CA12: variants seen among roughly 807,000 people sequenced by gnomAD.
The protein encoded by CA12 is carbonic anhydrase 12.
A neutral mutation model predicts 46.8 loss-of-function variants in CA12; 36 were observed. The observed-to-expected ratio is 0.77, with a 90% confidence interval of 0.59 to 1.02. CA12 has a LOEUF of 1.02. CA12 is among the 50% of genes least tolerant of loss of function. The pLI, the probability that CA12 is intolerant of heterozygous loss-of-function variation, is 0.00. For synonymous variants in CA12, 202 were observed against 187.0 expected (o/e 1.08, Z -0.65); for missense variants, 436 against 451.4 (o/e 0.97, Z 0.31).
rs1239064851 is a variant in CA12, at chr15:63,374,404, T to A, written c.106+1254A>T. Among the ~76,000 whole-genome samples, 2 of 152,186 alleles carry A rather than the reference T, an allele frequency of 1.3e-5. No homozygotes were observed. The highest frequency in any genetic ancestry group is 6.5e-5 in the Admixed American group (1 of 15,286). On this transcript the variant is annotated intron_variant, in intron 2 of 10. Coordinates refer to ENST00000178638, the MANE Select transcript of CA12 (RefSeq NM_001218.5). This position sits in a 1 kb window ranked among gnomAD's most constrained non-coding sequence, Gnocchi z 4.4. The stretch of plus-strand genomic sequence containing the variant: ...CCATCTAGCCCTAGCACACTCGCCC[T>A]CCTTTGAGCACTCAGATCTCTGAAG...
Position 63,331,231 on chromosome 15 carries a change from AG to A in CA12, c.875-3102del, listed in dbSNP as rs2038934069. On this transcript the variant is annotated intron_variant, in intron 8 of 10. Transcript: ENST00000178638. The surrounding 1 kb of genome is among the most constrained non-coding windows in gnomAD (Gnocchi z 5.3). ...AAAGTCAGCGAGACTTTCGGGACAC[AG>A]GGAGAACTGTCAGGGCAACCAGAGA... 6.6e-6 allele frequency among the ~76,000 whole-genome samples: 1 copy of A among 152,216 alleles called. No homozygotes were observed. Among genetic ancestry groups the A allele is most frequent in the South Asian group, 2.1e-4 (1 of 4,838 alleles).
At chr15:63,366,155 A>AAG (rs2039433394) in intron 2 of CA12, among the ~76,000 whole-genome samples, 1 of 131,698 alleles carries the variant, frequency 7.6e-6, no homozygotes, top group Non-Finnish European at 1.7e-5. Context: ...AAAAAAAAAA[A>AAG]AAAAGCATGT....
At chr15:63,337,094 AT>A (rs1342208003) in intron 8 of CA12, among the ~76,000 whole-genome samples, 1 of 152,244 alleles carries the variant, frequency 6.6e-6, no homozygotes. Flanking sequence ...GTTAGTTATC[AT>A]CACATGGATT....
At chr15:63,343,238 A>G (rs1173594231) in intron 4 of CA12, among the ~76,000 whole-genome samples, 1 of 150,190 alleles carries the variant, frequency 6.7e-6, no homozygotes, top group East Asian at 2.0e-4. Context: ...TAATCCAAGC[A>G]TAAAGGAGCT....
Position 63,325,035 on chromosome 15 carries a change from T to C in CA12, c.*1250A>G, listed in dbSNP as rs2038848119. ...GAGGAGTTGCGCCTGTCAGAAACTG[T>C]CTGTGTGATTCGGGGAAGAATATGG... On this transcript the variant is annotated 3_prime_UTR_variant, in exon 11 of 11. Coordinates refer to ENST00000178638, the MANE Select transcript of CA12 (RefSeq NM_001218.5). This position sits in a 1 kb window ranked among gnomAD's most constrained non-coding sequence, Gnocchi z 4.9. 6.6e-6 allele frequency: 1 copy of C among 152,202 alleles called. No individual in the cohort carries two copies. Among genetic ancestry groups the C allele is most frequent in the African/African-American group, 2.4e-5 (1 of 41,434 alleles). The allele number at this position is 152,202 out of a possible 1,614,324, so 9.4% of individuals were successfully genotyped here. A position where few individuals can be genotyped will look rare whatever the true frequency, so the allele number is the denominator to read the frequency against.
chr15:63,335,786 T>G (rs1184602597), intron 8 of CA12, among the ~76,000 whole-genome samples: 2 of 152,098 alleles, frequency 1.3e-5, no homozygotes, highest in African/African-American at 2.4e-5. Context: ...CTGCTCAAGG[T>G]TCACACTGAC....
At chr15:63,379,570 A>G (rs2039618644) in intron 1 of CA12, among the ~76,000 whole-genome samples, 2 of 152,202 alleles carry the variant, frequency 1.3e-5, no homozygotes, top group South Asian at 2.1e-4. Flanking sequence ...TTCCCAAGGA[A>G]GGTTATCTGT....
chr15:63,357,822 C>T (rs1424510367), intron 2 of CA12, among the ~76,000 whole-genome samples: 2 of 152,188 alleles, frequency 1.3e-5, no homozygotes, highest in Admixed American at 1.3e-4. Context: ...GCAGTCACCT[C>T]CCACTCTCCC....
intron 8 of CA12, 28 bp downstream of exon 8, chr15:63,338,791 C>A: frequency 6.2e-7 from 1 of 1,613,352 alleles, no homozygotes; most frequent in Non-Finnish European, 8.5e-7. Context: ...CTCCCGCACC[C>A]CCTCCCCCCA....
At position 63,330,852 on chromosome 15, in the gene CA12, A is replaced by G. The variant is rs2038929293; in HGVS notation, c.875-2722T>C. Among the ~76,000 whole-genome samples, 1 of 152,190 alleles carries G rather than the reference A, an allele frequency of 6.6e-6. No homozygotes were observed. The highest frequency in any genetic ancestry group is 2.4e-5 in the African/African-American group (1 of 41,444). On this transcript the variant is annotated intron_variant, in intron 8 of 10. Transcript: ENST00000178638. The surrounding 1 kb of genome is among the most constrained non-coding windows in gnomAD (Gnocchi z 4.0). ...CTTTGCTCCTTGAGGACCACTTGTCAAGGCCTAAATGGACTCTCCTTGGAA... is the reference window on the plus strand; with the variant it reads ...CTTTGCTCCTTGAGGACCACTTGTCGAGGCCTAAATGGACTCTCCTTGGAA...
chr15:63,337,931 T>C (rs939547557), intron 8 of CA12, among the ~76,000 whole-genome samples: 1 of 152,146 alleles, frequency 6.6e-6, no homozygotes, highest in Admixed American at 6.5e-5. Context: ...GAAATGGAAC[T>C]GCACAGACCA....
intron 2 of CA12, among the ~76,000 whole-genome samples, chr15:63,365,210 T>C (rs2039422341): frequency 2.6e-5 from 4 of 152,258 alleles, no homozygotes; most frequent in Admixed American, 2.6e-4. Flanking sequence ...TGTGTTTTCT[T>C]TAACTGCTAA....
intron 8 of CA12, among the ~76,000 whole-genome samples, chr15:63,334,563 G>A (rs547753135): frequency 1.3e-5 from 2 of 152,146 alleles, no homozygotes; most frequent in East Asian, 1.9e-4. Context: ...CAATGGAAGA[G>A]GCACTTTTTA....
rs1049659448 is a variant in CA12, at chr15:63,373,878, C to T, written c.106+1780G>A. 2.0e-5 allele frequency among the ~76,000 whole-genome samples: 3 copies of T among 152,156 alleles called. No homozygotes were observed. The highest frequency in any genetic ancestry group is 6.5e-5 in the Admixed American group (1 of 15,284). On this transcript the variant is annotated intron_variant, in intron 2 of 10. Coordinates refer to ENST00000178638, the MANE Select transcript of CA12 (RefSeq NM_001218.5). The surrounding 1 kb of genome is among the most constrained non-coding windows in gnomAD (Gnocchi z 4.9). ...ACCTTCTTTCCATGCCTGTCACCTC[C>T]TACACACGGAACCTGCCCAAGGGGC...
Position 63,326,194 on chromosome 15 carries a change from C to T in CA12, c.*91G>A, listed in dbSNP as rs111662990. ...TGTTTGCAGATTGAGCTACAGAGAA[C>T]ACCTTGAGGTGTCGCAAGTGTCCAG... On this transcript the variant is annotated 3_prime_UTR_variant, in exon 11 of 11. Coordinates refer to ENST00000178638, the MANE Select transcript of CA12 (RefSeq NM_001218.5). 0.012 allele frequency: 11,580 copies of T among 961,008 alleles called. 129 individuals are homozygous for T. The highest frequency in any genetic ancestry group is 0.042 in the African/African-American group (2,642 of 62,470). 59.5% of individuals were successfully genotyped at this position (961,008 alleles called of 1,614,324 possible).
rs961372614 is a variant in CA12, at chr15:63,340,410, C to T, written c.625G>A (p.Glu209Lys). 1.2e-6 allele frequency: 2 copies of T among 1,614,046 alleles called. No individual in the cohort carries two copies. The highest frequency in any genetic ancestry group is 1.3e-5 in the African/African-American group (1 of 74,892). Reference sequence around the variant, plus strand: ...TCAGCGGTCCTCTCCGGAAGCAGCTCTTCAATGTTGAATCCCGGGACGAAT... The same window carrying T: ...TCAGCGGTCCTCTCCGGAAGCAGCTTTTCAATGTTGAATCCCGGGACGAAT... ...EAFVPGFNIE[E>K]LLPERTAEYY... Residue 209 changes from glutamate to lysine, a missense_variant, in exon 7 of 11, where the codon GAG becomes AAG. Transcript: ENST00000178638. The surrounding 1 kb of genome is among the most constrained non-coding windows in gnomAD (Gnocchi z 4.4).
At chr15:63,354,243 G>A (rs866901565) in intron 2 of CA12, among the ~76,000 whole-genome samples, 2 of 152,100 alleles carry the variant, frequency 1.3e-5, no homozygotes, top group African/African-American at 4.8e-5. Flanking sequence ...AGGTGGTCCC[G>A]GGACAGTGAG....
In CA12 at chr15:63,374,851, C is replaced by T. The variant is rs762896318; in HGVS notation, c.106+807G>A. Among the ~76,000 whole-genome samples the T allele has an allele frequency of 5.9e-5, 9 of 152,218 alleles. No homozygotes were observed. The highest frequency in any genetic ancestry group is 1.2e-4 in the Non-Finnish European group (8 of 68,040). On this transcript the variant is annotated intron_variant, in intron 2 of 10. Transcript: ENST00000178638. The surrounding 1 kb of genome is among the most constrained non-coding windows in gnomAD (Gnocchi z 4.4). ...GCCTCCTGTGCCAGTGAGTCAGTTC[C>T]ACCCTTCTGCTACCAAAACAATCGA...
At chr15:63,365,183 A>G (rs964452027) in intron 2 of CA12, among the ~76,000 whole-genome samples, 1 of 152,262 alleles carries the variant, frequency 6.6e-6, no homozygotes, top group Non-Finnish European at 1.5e-5. Flanking sequence ...ATTTATGTCA[A>G]TAGGTATTAA....
Sources: allele counts gnomAD v4.1 joint callset (sites outside exome capture counted in the v4.1 genomes callset), GRCh38; gene constraint gnomAD v4.1.1; non-coding constraint Gnocchi (gnomAD v3.1); transcripts MANE v1.5; gene names NCBI Gene and HGNC (gene_info 2026-07-23, HGNC 2026-07-21).